PRKAG2: variants seen among roughly 807,000 people sequenced by gnomAD.
PRKAG2 encodes 5'-AMP-activated protein kinase subunit gamma-2.
PRKAG2 carries 26 observed loss-of-function variants against 69.6 expected under a neutral mutation model. The ratio of observed to expected loss-of-function variants is 0.37; its 90% CI spans 0.27 to 0.52. The LOEUF is 0.52. PRKAG2 is among the 20% of genes least tolerant of loss of function. The pLI is 0.90. For synonymous variants in PRKAG2, 293 were observed against 285.0 expected (o/e 1.03, Z -0.28); for missense variants, 557 against 740.0 (o/e 0.75, Z 2.87).
At chr7:151,869,573 C>T (rs572645392) in intron 1 of PRKAG2, among the ~76,000 whole-genome samples, 21 of 152,352 alleles carry the variant, frequency 1.4e-4, no homozygotes, top group African/African-American at 4.6e-4. Flanking sequence ...GTGCAGGCTC[C>T]GCACTATTCC....
chr7:151,828,289 G>A lies in PRKAG2; in HGVS notation c.115-41748C>T, dbSNP rs888645979. ...GGGGGTTTTCAGAGAGTCCTGTAAT[G>A]GATATCAAATCCTAGCCCAACAAGG... On this transcript the variant is annotated intron_variant, in intron 1 of 15. Coordinates refer to ENST00000287878, the MANE Select transcript of PRKAG2 (RefSeq NM_016203.4). The surrounding 1 kb of genome is among the most constrained non-coding windows in gnomAD (Gnocchi z 4.6). Among the ~76,000 whole-genome samples the A allele has an allele frequency of 2.6e-5, 4 of 152,184 alleles. No individual in the cohort carries two copies. Among genetic ancestry groups the A allele is most frequent in the African/African-American group, 9.7e-5 (4 of 41,434 alleles).
intron 4 of PRKAG2, among the ~76,000 whole-genome samples, chr7:151,664,036 A>G (rs1228689786): frequency 6.6e-6 from 1 of 152,216 alleles, no homozygotes; most frequent in African/African-American, 2.4e-5. Context: ...GTGCCAATAA[A>G]ACTTTAATCA....
chr7:151,854,369 G>A (rs1323197544), intron 1 of PRKAG2, among the ~76,000 whole-genome samples: 2 of 152,220 alleles, frequency 1.3e-5, no homozygotes, highest in Admixed American at 6.5e-5. Flanking sequence ...GCAGCACACG[G>A]ACCAGCTGGA....
chr7:151,783,644 G>T (rs1441789600), intron 2 of PRKAG2, among the ~76,000 whole-genome samples: 1 of 152,104 alleles, frequency 6.6e-6, no homozygotes, highest in Non-Finnish European at 1.5e-5. Flanking sequence ...CTTCAGGCAG[G>T]GGGTGGTGTC....
At chr7:151,742,640 TA>T (rs1245630865) in intron 3 of PRKAG2, among the ~76,000 whole-genome samples, 3 of 150,310 alleles carry the variant, frequency 2.0e-5, no homozygotes, top group African/African-American at 7.3e-5. Context: ...AAAAAAAAAA[TA>T]AAATAAAATA....
chr7:151,697,729 C>T (rs754759265), intron 3 of PRKAG2, among the ~76,000 whole-genome samples: 21 of 152,032 alleles, frequency 1.4e-4, no homozygotes, highest in Admixed American at 3.3e-4. Context: ...GGGGTGTGGA[C>T]GCAGGGAGGA....
chr7:151,786,394 G>T, intron 2 of PRKAG2, 76 bp downstream of exon 2: 1 of 1,381,822 alleles, frequency 7.2e-7, no homozygotes, highest in Non-Finnish European at 1.0e-6. Flanking sequence ...CACACAGGTG[G>T]AAGTGGGCTC....
At chr7:151,646,646 C>T (rs1490018683) in intron 4 of PRKAG2, among the ~76,000 whole-genome samples, 4 of 152,074 alleles carry the variant, frequency 2.6e-5, no homozygotes, top group East Asian at 1.9e-4. Context: ...TGCAATTCCC[C>T]GATACTGTAT....
chr7:151,655,587 C>T (rs534285840), intron 4 of PRKAG2, among the ~76,000 whole-genome samples: 89 of 152,216 alleles, frequency 5.8e-4, no homozygotes, highest in African/African-American at 1.8e-3. Context: ...ACATAATTTG[C>T]CAGATCCAGA....
At chr7:151,860,365 C>T (rs2079888468) in intron 1 of PRKAG2, among the ~76,000 whole-genome samples, 1 of 152,208 alleles carries the variant, frequency 6.6e-6, no homozygotes, top group Non-Finnish European at 1.5e-5. Flanking sequence ...CACACGGCCA[C>T]CTGCATCTCT....
chr7:151,576,510 T>A, intron 6 of PRKAG2, 58 bp from the exon 7 acceptor site: 1 of 1,398,166 alleles, frequency 7.2e-7, no homozygotes, highest in Non-Finnish European at 1.0e-6. Context: ...AAAAATACCT[T>A]TTTTTTTTGA....
Position 151,632,149 on chromosome 7 carries a change from G to A in PRKAG2, c.685-11C>T. 8 of 1,389,180 alleles carry A rather than the reference G, an allele frequency of 5.8e-6. No individual in the cohort carries two copies. Among genetic ancestry groups the A allele is most frequent in the South Asian group, 1.5e-5 (1 of 67,946 alleles). 86.1% of individuals were successfully genotyped at this position (1,389,180 alleles called of 1,614,324 possible). A position where few individuals can be genotyped will look rare whatever the true frequency, so the allele number is the denominator to read the frequency against. ...CGCCGCCAGCGCCGCCTGAGGGGGA[G>A]GAGGAGGACAGCGATCAGCATGAGC... On this transcript the variant is annotated splice_polypyrimidine_tract_variant and intron_variant, in intron 4 of 15. Transcript: ENST00000287878. The surrounding 1 kb of genome is among the most constrained non-coding windows in gnomAD (Gnocchi z 4.2).
chr7:151,757,822 T>C (rs887218581), intron 3 of PRKAG2, among the ~76,000 whole-genome samples: 1 of 152,196 alleles, frequency 6.6e-6, no homozygotes, highest in Non-Finnish European at 1.5e-5. Flanking sequence ...GCTGAAACAA[T>C]AGAATCGAAA....
At chr7:151,784,791 G>A (rs1359901813) in intron 2 of PRKAG2, among the ~76,000 whole-genome samples, 2 of 152,326 alleles carry the variant, frequency 1.3e-5, no homozygotes, top group East Asian at 3.9e-4. Flanking sequence ...GGCATCCAGG[G>A]ATCAGGCCTG....
chr7:151,691,144 C>G (rs938109508), intron 3 of PRKAG2, among the ~76,000 whole-genome samples: 1 of 152,078 alleles, frequency 6.6e-6, no homozygotes, highest in African/African-American at 2.4e-5. Flanking sequence ...TGCAAGTCCC[C>G]GATATAAAAT....
In PRKAG2 at chr7:151,876,564, C is replaced by A; in HGVS notation, c.57G>T (p.Gly19=). The A allele has an allele frequency of 6.2e-7, 1 of 1,610,368 alleles. No individual in the cohort carries two copies. Among genetic ancestry groups the A allele is most frequent in the Non-Finnish European group, 8.5e-7 (1 of 1,179,972 alleles). Residue 19 remains glycine, a synonymous_variant, in exon 1 of 16, where the codon GGG becomes GGT. Transcript: ENST00000287878. ...KKKKDVSSPG[G]SGGKKNASQK... ...GGCTGGCATTTTTCTTGCCGCCGCT[C>A]CCGCCGGGGCTGGAAACATCTTTTT...
Position 151,783,700 on chromosome 7 carries a change from C to T in PRKAG2, c.187-2269G>A, listed in dbSNP as rs2076847720. ...CTTTGGGAGGCCGAGGTGGGTGGAT[C>T]ACCTGAGCTCGACCAGCCTGGGCAA... is the stretch of plus-strand genomic sequence containing the variant. On this transcript the variant is annotated intron_variant, in intron 2 of 15. Transcript: ENST00000287878. Among the ~76,000 whole-genome samples, 3 of 151,906 alleles carry T rather than the reference C, an allele frequency of 2.0e-5. No individual in the cohort carries two copies. In the South Asian group the frequency reaches 6.2e-4, roughly 32 times the overall value.
chr7:151,669,638 G>T (rs113919220), intron 4 of PRKAG2, among the ~76,000 whole-genome samples: 10 of 150,276 alleles, frequency 6.7e-5, no homozygotes, highest in African/African-American at 2.4e-4. Context: ...TTTTCAAATT[G>T]AAGTTCCAGC....
In PRKAG2 at chr7:151,752,402, A is replaced by T. The variant is rs1227245287; in HGVS notation, c.466+28750T>A. Among the ~76,000 whole-genome samples, 4 of 152,164 alleles carry T rather than the reference A, an allele frequency of 2.6e-5. No homozygotes were observed. In the East Asian group the frequency reaches 7.7e-4, roughly 29 times the overall value. On this transcript the variant is annotated intron_variant, in intron 3 of 15. Transcript: ENST00000287878. ...AACGACAAACACTGGGGGCTACTTA[A>T]GAGGCAGAGGGTGGGAGGAGGGAGA...
Sources: gnomAD v4.1 joint callset for allele counts (sites outside exome capture counted in the v4.1 genomes callset) on GRCh38, gnomAD v4.1.1 for gene constraint, Gnocchi (gnomAD v3.1) non-coding constraint, MANE v1.5 for transcripts, NCBI Gene and HGNC (gene_info 2026-07-23, HGNC 2026-07-21) for gene names.